IL1RAPL2: variants seen among roughly 807,000 people sequenced by gnomAD.
IL1RAPL2 encodes interleukin 1 receptor accessory protein like 2, also known as X-linked interleukin-1 receptor accessory protein-like 2.
A neutral mutation model predicts 44.1 loss-of-function variants in IL1RAPL2; 3 were observed. The observed-to-expected ratio is 0.07, with a 90% CI of 0.03 to 0.18. The LOEUF is 0.18. Among genes scored for constraint, IL1RAPL2 ranks in the 10% least tolerant of loss-of-function variants. IL1RAPL2 has a pLI of 1.00. For missense variants in IL1RAPL2, 391 were observed against 496.4 expected (o/e 0.79, Z 2.02); for synonymous variants, 181 against 178.8 (o/e 1.01, Z -0.10).
chrX:104,666,096 A>AGT (rs775436800), intron 2 of IL1RAPL2, among the ~76,000 whole-genome samples: 8,653 of 106,104 alleles, frequency 0.082, 964 homozygotes, highest in African/African-American at 0.27. Context: ...TAACCTTAAA[A>AGT]GTGTGTGTGT....
At chrX:104,632,632 G>A (rs1413293397) in intron 1 of IL1RAPL2, among the ~76,000 whole-genome samples, 1 of 106,933 alleles carries the variant, frequency 9.4e-6, no homozygotes, top group African/African-American at 3.4e-5. Context: ...CTCATGATTT[G>A]GCTCTCTGTT....
At chrX:105,548,981 T>G (rs1185769779) in intron 6 of IL1RAPL2, among the ~76,000 whole-genome samples, 1 of 112,310 alleles carries the variant, frequency 8.9e-6, no homozygotes, top group Non-Finnish European at 1.9e-5. Context: ...GATTCAAATA[T>G]GTTGTTAGGA....
At chrX:104,787,267 G>C (rs933136153) in intron 2 of IL1RAPL2, among the ~76,000 whole-genome samples, 3 of 111,567 alleles carry the variant, frequency 2.7e-5, no homozygotes, top group Non-Finnish European at 5.6e-5. Flanking sequence ...AGATTGAGAA[G>C]CTGGAGAATG....
chrX:105,115,297 A>G (rs983045122), intron 2 of IL1RAPL2, among the ~76,000 whole-genome samples: 1 of 111,641 alleles, frequency 9.0e-6, no homozygotes, highest in Non-Finnish European at 1.9e-5. Context: ...AGAGCGAAGG[A>G]ACAAAGATTC....
At chrX:104,611,753 C>T (rs913378252) in intron 1 of IL1RAPL2, among the ~76,000 whole-genome samples, 1 of 98,966 alleles carries the variant, frequency 1.0e-5, no homozygotes, top group Non-Finnish European at 2.0e-5. Context: ...AGGAGAATGG[C>T]GTGAACCCAG....
At chrX:105,315,601 T>TATATATATATATATATATATATATA (rs1569422606) in intron 5 of IL1RAPL2, among the ~76,000 whole-genome samples, 1 of 62,150 alleles carries the variant, frequency 1.6e-5, no homozygotes, top group Non-Finnish European at 3.4e-5. Flanking sequence ...TATATATATA[T>TATATATATATATATATATATATATA]GGTTTTATTA....
chrX:105,001,106 C>T (rs750507856), intron 2 of IL1RAPL2, among the ~76,000 whole-genome samples: 3 of 111,423 alleles, frequency 2.7e-5, no homozygotes, highest in Non-Finnish European at 3.8e-5. Flanking sequence ...AAATGGGTTC[C>T]TATTTTTCGT....
At chrX:105,472,918 G>A (rs1239913385) in intron 5 of IL1RAPL2, among the ~76,000 whole-genome samples, 1 of 111,789 alleles carries the variant, frequency 8.9e-6, no homozygotes, top group Non-Finnish European at 1.9e-5. Flanking sequence ...GATTCTGGGG[G>A]AAGATCTCAG....
chrX:104,613,349 GTTATTGAGGGTT>G (rs1929203901), intron 1 of IL1RAPL2, among the ~76,000 whole-genome samples: 1 of 111,498 alleles, frequency 9.0e-6, no homozygotes, highest in Admixed American at 9.5e-5. Flanking sequence ...TTGGTGCCTA[GTTATTGAGGGTT>G]TTTAACATCA....
chrX:105,620,769 T>G (rs2037413709), intron 6 of IL1RAPL2, among the ~76,000 whole-genome samples: 1 of 111,138 alleles, frequency 9.0e-6, no homozygotes, highest in South Asian at 3.7e-4. Context: ...TCATTGGAAA[T>G]AAGAAGTTCA....
intron 2 of IL1RAPL2, among the ~76,000 whole-genome samples, chrX:104,983,379 G>A (rs1444289240): frequency 7.1e-5 from 7 of 99,071 alleles, no homozygotes; most frequent in African/African-American, 2.2e-4. Context: ...TCTATATATA[G>A]AATATTAGAT....
chrX:105,429,416 T>C (rs1030644570), intron 5 of IL1RAPL2, among the ~76,000 whole-genome samples: 4 of 112,002 alleles, frequency 3.6e-5, no homozygotes, highest in Non-Finnish European at 7.5e-5. Context: ...TCAAATTTGG[T>C]GACATTAAAC....
At chrX:104,915,953 G>A (rs1183417574) in intron 2 of IL1RAPL2, among the ~76,000 whole-genome samples, 5 of 111,999 alleles carry the variant, frequency 4.5e-5, no homozygotes, top group African/African-American at 1.6e-4. Context: ...CCAGTACCAT[G>A]CTCTTTTGGT....
chrX:105,057,800 G>T (rs192622385), intron 2 of IL1RAPL2, among the ~76,000 whole-genome samples: 2,139 of 108,811 alleles, frequency 0.02, 58 homozygotes, highest in African/African-American at 0.068. Context: ...TATTTATTTT[G>T]AGATGGAGTC....
intron 5 of IL1RAPL2, among the ~76,000 whole-genome samples, chrX:105,365,951 CT>C (rs201975389): frequency 1.5e-3 from 142 of 97,318 alleles, no homozygotes; most frequent in Admixed American, 1.2e-3. Context: ...TAATTTCTTT[CT>C]TTTTTTTTTT....
intron 2 of IL1RAPL2, among the ~76,000 whole-genome samples, chrX:104,784,420 C>A (rs1932788638): frequency 9.0e-6 from 1 of 111,438 alleles, no homozygotes; most frequent in Admixed American, 9.6e-5. Context: ...TTTCTTCTCT[C>A]CTAAGACACT....
intron 6 of IL1RAPL2, among the ~76,000 whole-genome samples, chrX:105,692,621 G>A (rs933521985): frequency 9.3e-6 from 1 of 107,409 alleles, no homozygotes; most frequent in East Asian, 2.9e-4. Flanking sequence ...ACAAAAGCTA[G>A]AATTAAATGA....
intron 5 of IL1RAPL2, among the ~76,000 whole-genome samples, chrX:105,344,804 A>G (rs1374620616): frequency 1.8e-5 from 2 of 111,910 alleles, no homozygotes; most frequent in Non-Finnish European, 1.9e-5. Context: ...ATATGCCATA[A>G]ATAGCTCTGG....
intron 6 of IL1RAPL2, among the ~76,000 whole-genome samples, chrX:105,654,403 C>T (rs952481960): frequency 9.0e-6 from 1 of 111,121 alleles, no homozygotes; most frequent in Admixed American, 9.6e-5. Context: ...TTACCTTAGC[C>T]TGTGAAACAT....
Sources: allele counts gnomAD v4.1 joint callset (sites outside exome capture counted in the v4.1 genomes callset), GRCh38; gene constraint gnomAD v4.1.1; transcripts MANE v1.5; gene names NCBI Gene and HGNC (gene_info 2026-07-23, HGNC 2026-07-21).